Variants in PCDHA4 observed in about 807,000 individuals in gnomAD.
The protein encoded by PCDHA4 is protocadherin alpha 4, also known as protocadherin alpha-4.
PCDHA4 carries 49 observed loss-of-function variants against 61.4 expected under a neutral mutation model. The observed-to-expected ratio is 0.80, with a 90% CI of 0.63 to 1.01. The LOEUF (loss-of-function observed/expected upper bound fraction) is 1.01. PCDHA4 is among the 50% of genes least tolerant of loss of function. The pLI, the probability that PCDHA4 is intolerant of heterozygous loss-of-function variation, is 0.00. For missense variants in PCDHA4, 1,254 were observed against 1,235.8 expected (o/e 1.01, Z -0.22); for synonymous variants, 590 against 550.3 (o/e 1.07, Z -1.01).
At position 140,807,492 on chromosome 5, in the gene PCDHA4, G is replaced by T; in HGVS notation, c.305G>T (p.Cys102Phe). ...REELCRRSAECSIHLEVIVDR... is the reference protein window; with the variant it reads ...REELCRRSAEFSIHLEVIVDR... ...GAGCTGTGCCGGCGGAGCGCGGAGT[G>T]CAGCATCCACCTGGAGGTGATCGTA... The change falls in exon 1 of 4, where the codon TGC (cysteine) becomes TTC (phenylalanine). Residue 102 changes from cysteine (C) to phenylalanine (F), a missense_variant. Cys to Phe is a radical substitution (Grantham distance 205). Coordinates refer to ENST00000530339, the MANE Select transcript of PCDHA4 (RefSeq NM_018907.4). The T allele has an allele frequency of 3.1e-6, 5 of 1,613,712 alleles. No individual in the cohort carries two copies. The highest frequency in any genetic ancestry group is 8.5e-7 in the Non-Finnish European group (1 of 1,179,914).
chr5:140,830,272 C>T (rs2150183943), intron 1 of PCDHA4: 3 of 1,613,840 alleles, frequency 1.9e-6, no homozygotes, highest in African/African-American at 2.7e-5. Flanking sequence ...CGGCGCCACC[C>T]ACCGAGGGCG....
chr5:140,875,100 G>A (rs558585314), intron 1 of PCDHA4, among the ~76,000 whole-genome samples: 2 of 152,240 alleles, frequency 1.3e-5, no homozygotes, highest in Admixed American at 6.5e-5. Context: ...TTGATGTTTT[G>A]TTACTAATAT....
intron 1 of PCDHA4, among the ~76,000 whole-genome samples, chr5:140,826,499 A>G (rs1227877978): frequency 1.3e-5 from 2 of 152,186 alleles, no homozygotes; most frequent in Non-Finnish European, 2.9e-5. Flanking sequence ...TTTTGGAGTA[A>G]GGTGAAGATG....
intron 1 of PCDHA4, chr5:140,883,972 C>G (rs781784485): frequency 3.1e-6 from 5 of 1,612,854 alleles, no homozygotes; most frequent in Non-Finnish European, 4.2e-6. Context: ...TGCTGACGCC[C>G]GGGGCTGGCA....
intron 3 of PCDHA4, among the ~76,000 whole-genome samples, chr5:140,987,890 C>T (rs1554249653): frequency 1.3e-5 from 2 of 152,020 alleles, no homozygotes; most frequent in African/African-American, 4.8e-5. Flanking sequence ...TTTATGTGCC[C>T]TAGTTTTATA....
chr5:140,823,956 C>T (rs2150130724), intron 1 of PCDHA4: 3 of 1,613,908 alleles, frequency 1.9e-6, no homozygotes, highest in East Asian at 2.2e-5. Context: ...CGCAGCCCAC[C>T]GAGGCCGTGT....
At chr5:140,953,928 C>T (rs246028) in intron 1 of PCDHA4, among the ~76,000 whole-genome samples, 85,608 of 151,876 alleles carry the variant, frequency 0.56, 24,758 homozygotes, top group African/African-American at 0.69. Flanking sequence ...CTTCCTGATG[C>T]TCTCCCTCCC....
chr5:140,987,011 C>T (rs1266225593), intron 3 of PCDHA4, among the ~76,000 whole-genome samples: 2 of 152,104 alleles, frequency 1.3e-5, no homozygotes, highest in African/African-American at 4.8e-5. Context: ...GTCATGAGTT[C>T]GAGACCAGCC....
At chr5:140,954,297 C>T (rs1369831854) in intron 1 of PCDHA4, among the ~76,000 whole-genome samples, 2 of 152,180 alleles carry the variant, frequency 1.3e-5, no homozygotes, top group African/African-American at 4.8e-5. Flanking sequence ...TGGGTACATA[C>T]CCAGTAATGG....
At chr5:140,936,351 T>C (rs2090932385) in intron 1 of PCDHA4, among the ~76,000 whole-genome samples, 1 of 152,246 alleles carries the variant, frequency 6.6e-6, no homozygotes, top group African/African-American at 2.4e-5. Flanking sequence ...ATATATGGAA[T>C]GTGTAGCTAC....
intron 1 of PCDHA4, among the ~76,000 whole-genome samples, chr5:140,941,810 A>T (rs188836583): frequency 6.6e-5 from 10 of 152,356 alleles, no homozygotes; most frequent in Admixed American, 4.6e-4. Flanking sequence ...TGATTTCAGT[A>T]GGATGACTGC....
Position 140,889,101 on chromosome 5 carries a change from T to C in PCDHA4, c.2385+79529T>C, listed in dbSNP as rs115792966. On this transcript the variant is annotated intron_variant, in intron 1 of 3. Transcript: ENST00000530339. ...TTAAATTTTCAAAACAATTTTTTCA[T>C]CTTTATTCCAGGTGATACTGATATG... Among the ~76,000 whole-genome samples the C allele has an allele frequency of 7.5e-3, 1,145 of 152,066 alleles. 15 individuals carry two copies. Among genetic ancestry groups the C allele is most frequent in the African/African-American group, 0.026 (1,085 of 41,518 alleles).
intron 1 of PCDHA4, among the ~76,000 whole-genome samples, chr5:140,895,467 T>A (rs1201680855): frequency 6.6e-6 from 1 of 152,204 alleles, no homozygotes. Flanking sequence ...CATTTCTTTA[T>A]CCTCTTCGGA....
chr5:141,010,696 C>A lies in PCDHA4; in HGVS notation c.*759C>A. ...AAACAGAAGCAGATCTGATGTGTTT[C>A]CTATACATGTCCTGTGCTCACTTTA... On this transcript the variant is annotated 3_prime_UTR_variant, in exon 4 of 4. Transcript: ENST00000530339. The A allele has an allele frequency of 6.3e-6, 1 of 159,082 alleles. No individual in the cohort carries two copies. The highest frequency in any genetic ancestry group is 1.4e-5 in the Non-Finnish European group (1 of 71,522). 9.9% of individuals were successfully genotyped at this position (159,082 alleles called of 1,614,324 possible).
intron 1 of PCDHA4, chr5:140,843,825 CATT>C: frequency 1.7e-6 from 2 of 1,188,044 alleles, no homozygotes; most frequent in East Asian, 2.4e-5. Context: ...AAAATTTAAA[CATT>C]GTTTAGTTTT....
At chr5:140,836,622 A>G in intron 1 of PCDHA4, 1 of 1,613,448 alleles carries the variant, frequency 6.2e-7, no homozygotes, top group Non-Finnish European at 8.5e-7. Flanking sequence ...CGCGGTGGGG[A>G]GCTGGTCATT....
Position 140,841,181 on chromosome 5 carries a change from CAA to C in PCDHA4, c.2385+31611_2385+31612del, listed in dbSNP as rs1777074399. The C allele has an allele frequency of 1.0e-5, 12 of 1,156,490 alleles. 1 individual carries two copies. The highest frequency in any genetic ancestry group is 1.6e-5 in the South Asian group (1 of 61,808). 71.6% of individuals were successfully genotyped at this position (1,156,490 alleles called of 1,614,324 possible). On this transcript the variant is annotated intron_variant, in intron 1 of 3. Transcript: ENST00000530339. ...CAAGAAGTTCTGGTTGGTCAATGTTCAAAGTCTTTTCTCTGACAGCATCTGTC... is the reference window on the plus strand; with the variant it reads ...CAAGAAGTTCTGGTTGGTCAATGTTCAGTCTTTTCTCTGACAGCATCTGTC...
At chr5:140,986,530 G>C (rs1341824536) in intron 3 of PCDHA4, among the ~76,000 whole-genome samples, 1 of 152,162 alleles carries the variant, frequency 6.6e-6, no homozygotes, top group African/African-American at 2.4e-5. Context: ...GAGGGAACTG[G>C]CCTGGCTTCA....
At chr5:140,849,664 C>A (rs2150444192) in intron 1 of PCDHA4, 1 of 1,598,668 alleles carries the variant, frequency 6.3e-7, no homozygotes, top group African/African-American at 1.3e-5. Context: ...TGCTCCCTGA[C>A]GCCCCACGTC....
Sources: allele counts gnomAD v4.1 joint callset (sites outside exome capture counted in the v4.1 genomes callset), GRCh38; gene constraint gnomAD v4.1.1; transcripts MANE v1.5; gene names NCBI Gene and HGNC (gene_info 2026-07-23, HGNC 2026-07-21).